The following ZBTB20 variants were observed in gnomAD, a reference collection of about 807,000 sequenced individuals.
The protein encoded by ZBTB20 is zinc finger and BTB domain containing 20.
A neutral mutation model predicts 56.9 loss-of-function variants in ZBTB20; 9 were observed. That is an observed-to-expected ratio of 0.16 (90% CI 0.10 to 0.28). The LOEUF is 0.28. Ranked by LOEUF, ZBTB20 falls within the 10% of genes least tolerant of loss-of-function variation. The pLI, the probability that ZBTB20 is intolerant of heterozygous loss-of-function variation, is 1.00. For missense variants in ZBTB20, 655 were observed against 1,003.0 expected (o/e 0.65, Z 4.69); for synonymous variants, 417 against 420.7 (o/e 0.99, Z 0.11).
intron 3 of ZBTB20, among the ~76,000 whole-genome samples, chr3:114,969,145 T>G (rs1379200005): frequency 6.6e-6 from 1 of 152,222 alleles, no homozygotes; most frequent in African/African-American, 2.4e-5. Flanking sequence ...GGATAAAGAC[T>G]AAGTCTCTTT....
At chr3:114,522,788 G>A (rs2046786839) in intron 6 of ZBTB20, among the ~76,000 whole-genome samples, 1 of 152,142 alleles carries the variant, frequency 6.6e-6, no homozygotes, top group African/African-American at 2.4e-5. Context: ...AACCCTAAAG[G>A]TGGAGCGTTA....
rs1291195081 is a variant in ZBTB20 at position 114,659,546 on chromosome 3, T to A, written c.-295+33982A>T. Among the ~76,000 whole-genome samples, 3 of 152,148 alleles carry A rather than the reference T, an allele frequency of 2.0e-5. No homozygotes were observed. In the East Asian group the frequency reaches 5.8e-4, roughly 29 times the overall value. On this transcript the variant is annotated intron_variant, in intron 6 of 11. Transcript: ENST00000675478. Reference sequence around the variant, plus strand: ...AAAGTAAGAGCTCTGGGTCCAAATGTTTAAAACATGGCTCTTCTGTGAACC... The same window carrying A: ...AAAGTAAGAGCTCTGGGTCCAAATGATTAAAACATGGCTCTTCTGTGAACC...
In ZBTB20 at chr3:114,590,122, C is replaced by T. The variant is rs529701354; in HGVS notation, c.-294-89731G>A. On this transcript the variant is annotated intron_variant, in intron 6 of 11. Transcript: ENST00000675478. Reference sequence around the variant, plus strand: ...TACTGCATATTTTTTTAACAAAGCACTGAACAATAAGCTTTAATCGCTTTC... The same window carrying T: ...TACTGCATATTTTTTTAACAAAGCATTGAACAATAAGCTTTAATCGCTTTC... 3.7e-4 allele frequency among the ~76,000 whole-genome samples: 56 copies of T among 152,202 alleles called. 1 individual carries two copies. In the South Asian group the frequency reaches 0.011, roughly 30 times the overall value.
rs891669512 is a variant in ZBTB20, at chr3:114,335,183, T to TA, written c.*3821dup. ...ATTCCATTTTAAAATTATAAATTGCTAAAAAATGTCCTTTCCATACTATTT... is the reference window on the plus strand; with the variant it reads ...ATTCCATTTTAAAATTATAAATTGCTAAAAAAATGTCCTTTCCATACTATTT... On this transcript the variant is annotated 3_prime_UTR_variant, in exon 12 of 12. Coordinates refer to ENST00000675478, the MANE Select transcript of ZBTB20 (RefSeq NM_001348800.3). The TA allele has an allele frequency of 6.6e-5, 10 of 152,168 alleles. No homozygotes were observed. Among genetic ancestry groups the TA allele is most frequent in the African/African-American group, 9.7e-5 (4 of 41,446 alleles). The allele number at this position is 152,168 out of a possible 1,614,324, so 9.4% of individuals were successfully genotyped here.
intron 3 of ZBTB20, among the ~76,000 whole-genome samples, chr3:114,921,566 G>A (rs2075960532): frequency 6.6e-6 from 1 of 151,958 alleles, no homozygotes; most frequent in Non-Finnish European, 1.5e-5. Flanking sequence ...TACCAAAGCT[G>A]GATAAGAGTG....
chr3:114,637,230 T>C (rs1175040466), intron 6 of ZBTB20, among the ~76,000 whole-genome samples: 1 of 152,044 alleles, frequency 6.6e-6, no homozygotes, highest in African/African-American at 2.4e-5. Flanking sequence ...TATTATGAAG[T>C]AGAGATCTCC....
At chr3:114,891,691 C>G (rs1433507827) in intron 4 of ZBTB20, among the ~76,000 whole-genome samples, 1 of 152,094 alleles carries the variant, frequency 6.6e-6, no homozygotes, top group African/African-American at 2.4e-5. Context: ...TAAATATATA[C>G]CTGCCAAATA....
At chr3:114,494,074 A>T (rs763379229) in intron 7 of ZBTB20, among the ~76,000 whole-genome samples, 1 of 152,252 alleles carries the variant, frequency 6.6e-6, no homozygotes, top group African/African-American at 2.4e-5. Flanking sequence ...TTATAGTAGC[A>T]TCTACTTAAT....
intron 7 of ZBTB20, among the ~76,000 whole-genome samples, chr3:114,451,671 C>T (rs2091618470): frequency 6.6e-6 from 1 of 152,032 alleles, no homozygotes; most frequent in Admixed American, 6.6e-5. Context: ...AGAAAACAAA[C>T]AGAGTCCTAA....
chr3:114,903,864 T>C (rs932924031), intron 3 of ZBTB20, among the ~76,000 whole-genome samples: 9 of 152,160 alleles, frequency 5.9e-5, no homozygotes, highest in African/African-American at 2.2e-4. Context: ...GCCTTATATA[T>C]GAGGTTTGCA....
chr3:114,844,602 T>C (rs1410364175), intron 4 of ZBTB20, among the ~76,000 whole-genome samples: 2 of 135,698 alleles, frequency 1.5e-5, no homozygotes, highest in East Asian at 2.3e-4. Flanking sequence ...CTGGATAACA[T>C]GGTAAACATA....
At chr3:114,431,085 C>T (rs1576726980) in intron 7 of ZBTB20, among the ~76,000 whole-genome samples, 2 of 152,120 alleles carry the variant, frequency 1.3e-5, no homozygotes, top group African/African-American at 2.4e-5. Context: ...CCCCAGTTCA[C>T]GTTCTAGTTT....
chr3:114,779,720 T>C (rs1195999163), intron 5 of ZBTB20, among the ~76,000 whole-genome samples: 1 of 152,186 alleles, frequency 6.6e-6, no homozygotes, highest in Non-Finnish European at 1.5e-5. Context: ...ATGGTTGAGA[T>C]AAATGGGACT....
chr3:114,415,035 C>T (rs2108788788), intron 7 of ZBTB20, among the ~76,000 whole-genome samples: 1 of 151,870 alleles, frequency 6.6e-6, no homozygotes, highest in South Asian at 2.1e-4. Flanking sequence ...GTTCCCTTGG[C>T]TAGGGACCAC....
At chr3:114,741,585 T>A (rs2066581199) in intron 5 of ZBTB20, among the ~76,000 whole-genome samples, 1 of 151,992 alleles carries the variant, frequency 6.6e-6, no homozygotes, top group African/African-American at 2.4e-5. Flanking sequence ...CTCTACGACA[T>A]ACAGAAGAGG....
chr3:114,482,883 T>G (rs1419077926), intron 7 of ZBTB20, among the ~76,000 whole-genome samples: 3 of 152,220 alleles, frequency 2.0e-5, no homozygotes, highest in South Asian at 4.1e-4. Context: ...ATTCTTTGCC[T>G]TATTCACTCA....
chr3:114,985,249 C>T (rs1014849986), intron 2 of ZBTB20, among the ~76,000 whole-genome samples: 2 of 152,004 alleles, frequency 1.3e-5, no homozygotes, highest in African/African-American at 4.8e-5. Flanking sequence ...ATCTGAGTAA[C>T]GAATAAATGA....
chr3:114,358,902 G>C (rs2081518193), intron 10 of ZBTB20, among the ~76,000 whole-genome samples: 1 of 152,078 alleles, frequency 6.6e-6, no homozygotes, highest in Admixed American at 6.5e-5. Flanking sequence ...TTTCTTTGTG[G>C]AGCCTGTGAA....
intron 4 of ZBTB20, among the ~76,000 whole-genome samples, chr3:114,865,510 G>T (rs572678201): frequency 6.6e-6 from 1 of 152,154 alleles, no homozygotes; most frequent in African/African-American, 2.4e-5. Context: ...CCTTATAATG[G>T]ATTCCTTCTT....
Sources: gnomAD v4.1 joint callset for allele counts (sites outside exome capture counted in the v4.1 genomes callset) on GRCh38, gnomAD v4.1.1 for gene constraint, MANE v1.5 for transcripts, NCBI Gene and HGNC (gene_info 2026-07-23, HGNC 2026-07-21) for gene names.